The following LAMTOR3 variants were observed in gnomAD, a reference collection of about 807,000 sequenced individuals.
The protein encoded by LAMTOR3 is late endosomal/lysosomal adaptor, MAPK and MTOR activator 3.
A neutral mutation model predicts 20.3 loss-of-function variants in LAMTOR3; 14 were observed. That is an observed-to-expected ratio of 0.69 (90% confidence interval 0.46 to 1.08). The LOEUF is 1.08. Ranked by LOEUF, LAMTOR3 falls within the 50% of genes least tolerant of loss-of-function variation. The pLI, the probability that LAMTOR3 is intolerant of heterozygous loss-of-function variation, is 0.00. For synonymous variants in LAMTOR3, 40 were observed against 49.4 expected (o/e 0.81, Z 0.80); for missense variants, 125 against 143.7 (o/e 0.87, Z 0.67).
intron 4 of LAMTOR3, among the ~76,000 whole-genome samples, chr4:99,886,927 T>C (rs947077862): frequency 1.3e-5 from 2 of 152,126 alleles, no homozygotes; most frequent in Admixed American, 6.5e-5. Flanking sequence ...TATGTATATA[T>C]ATACACACAC....
chr4:99,893,978 T>G lies in LAMTOR3; in HGVS notation c.-15A>C. 1.3e-6 allele frequency: 2 copies of G among 1,549,076 alleles called. No homozygotes were observed. Among genetic ancestry groups the G allele is most frequent in the Non-Finnish European group, 1.7e-6 (2 of 1,143,778 alleles). On this transcript the variant is annotated 5_prime_UTR_variant, in exon 2 of 7. Transcript: ENST00000499666. ...ACATCCGCCATGATGAACCCCCTTC[T>G]CTCGCAGGATCAATCTCCACGCCTG...
chr4:99,879,856 G>T lies in LAMTOR3; in HGVS notation c.*2138C>A, dbSNP rs1724789350. On this transcript the variant is annotated 3_prime_UTR_variant, in exon 7 of 7. Transcript: ENST00000499666. ...TACTACTATACACCTAGGCTATATG[G>T]TATAGCCTACTACTACACACCTAGG... is the stretch of plus-strand genomic sequence containing the variant. 1 of 149,396 alleles carries T rather than the reference G, an allele frequency of 6.7e-6. No homozygotes were observed. Among genetic ancestry groups the T allele is most frequent in the East Asian group, 2.0e-4 (1 of 5,042 alleles). 9.3% of individuals were successfully genotyped at this position (149,396 alleles called of 1,614,324 possible).
intron 4 of LAMTOR3, 83 bp downstream of exon 4, chr4:99,887,213 C>A: frequency 2.5e-6 from 2 of 812,742 alleles, no homozygotes; most frequent in Admixed American, 3.0e-5. Flanking sequence ...TTTATGTTTG[C>A]CTGCTGTACT....
rs1428987231 is a variant in LAMTOR3 at position 99,881,638 on chromosome 4, T to C, written c.*356A>G. 5.3e-6 allele frequency: 1 copy of C among 187,726 alleles called. No homozygotes were observed. Among genetic ancestry groups the C allele is most frequent in the Admixed American group, 5.9e-5 (1 of 17,000 alleles). 11.6% of individuals were successfully genotyped at this position (187,726 alleles called of 1,614,324 possible). On this transcript the variant is annotated 3_prime_UTR_variant, in exon 7 of 7. Transcript: ENST00000499666. ...TTATTCTGCAAGCCTGGGCATATTGTACAATTGGCAGCACTTAACGGCTCA... is the reference window on the plus strand; with the variant it reads ...TTATTCTGCAAGCCTGGGCATATTGCACAATTGGCAGCACTTAACGGCTCA...
chr4:99,891,776 T>C (rs1297011986), intron 3 of LAMTOR3, among the ~76,000 whole-genome samples: 9 of 152,132 alleles, frequency 5.9e-5, no homozygotes, highest in Admixed American at 5.9e-4. Flanking sequence ...GCTGACACTA[T>C]CGCTCTAGAT....
rs1270696897 is a variant in LAMTOR3 at position 99,880,242 on chromosome 4, T to G, written c.*1752A>C. ...GAACTCTAAGTTCTTTAAAGTAAGGTATCACAAATTAATCTCATATTTACA... is the reference window on the plus strand; with the variant it reads ...GAACTCTAAGTTCTTTAAAGTAAGGGATCACAAATTAATCTCATATTTACA... On this transcript the variant is annotated 3_prime_UTR_variant, in exon 7 of 7. Transcript: ENST00000499666. 1 of 152,066 alleles carries G rather than the reference T, an allele frequency of 6.6e-6. No individual in the cohort carries two copies. The highest frequency in any genetic ancestry group is 1.5e-5 in the Non-Finnish European group (1 of 68,014). 9.4% of individuals were successfully genotyped at this position (152,066 alleles called of 1,614,324 possible). A position where few individuals can be genotyped will look rare whatever the true frequency, so the allele number is the denominator to read the frequency against.
chr4:99,882,298 TAACCCAAA>T (rs1228893361), intron 6 of LAMTOR3, among the ~76,000 whole-genome samples: 1 of 152,194 alleles, frequency 6.6e-6, no homozygotes, highest in Non-Finnish European at 1.5e-5. Flanking sequence ...TGAGCATCCC[TAACCCAAA>T]AATCTCAAAT....
chr4:99,894,066 A>G (rs1189716289), intron 1 of LAMTOR3, 66 bp from the exon 2 acceptor site: 2 of 1,036,918 alleles, frequency 1.9e-6, no homozygotes, highest in East Asian at 2.8e-5. Flanking sequence ...CCACAACTTA[A>G]TACGCGAGAT....
chr4:99,885,243 TCA>T (rs1180259165), intron 5 of LAMTOR3, among the ~76,000 whole-genome samples: 2 of 152,236 alleles, frequency 1.3e-5, no homozygotes, highest in Non-Finnish European at 2.9e-5. Flanking sequence ...AGCTGAGAAA[TCA>T]CAGTTGTTTA....
At chr4:99,882,512 A>G (rs1157275207) in intron 6 of LAMTOR3, among the ~76,000 whole-genome samples, 2 of 152,140 alleles carry the variant, frequency 1.3e-5, no homozygotes, top group Non-Finnish European at 2.9e-5. Flanking sequence ...TGAATGAGTG[A>G]AAAATACTTA....
intron 4 of LAMTOR3, among the ~76,000 whole-genome samples, chr4:99,886,146 T>C (rs1444593728): frequency 1.3e-5 from 2 of 152,366 alleles, no homozygotes; most frequent in Non-Finnish European, 2.9e-5. Flanking sequence ...GAGTTTGTTA[T>C]ATTAATGAGT....
chr4:99,882,950 A>C (rs1724855476), intron 6 of LAMTOR3, among the ~76,000 whole-genome samples: 1 of 152,046 alleles, frequency 6.6e-6, no homozygotes, highest in Non-Finnish European at 1.5e-5. Flanking sequence ...ATGTTCAAAC[A>C]AATAAAGATC....
At position 99,885,142 on chromosome 4, in the gene LAMTOR3, C is replaced by T. The variant is rs549406127; in HGVS notation, c.237+400G>A. ...CTCATTTATTACATATATATATTTC[C>T]AAAAAATGAAGGAATTAGCAGCAAG... On this transcript the variant is annotated intron_variant, in intron 5 of 6. Coordinates refer to ENST00000499666, the MANE Select transcript of LAMTOR3 (RefSeq NM_021970.4). 3.7e-4 allele frequency among the ~76,000 whole-genome samples: 57 copies of T among 152,080 alleles called. No homozygotes were observed. In the Middle Eastern group the frequency reaches 0.014, roughly 36 times the overall value.
chr4:99,893,604 C>T (rs565839691), intron 2 of LAMTOR3, among the ~76,000 whole-genome samples: 34 of 152,288 alleles, frequency 2.2e-4, no homozygotes, highest in African/African-American at 7.7e-4. Context: ...ACATGTCCTA[C>T]TGACCAAATT....
At chr4:99,883,920 A>G in intron 6 of LAMTOR3, 142 bp downstream of exon 6, 2 of 604,000 alleles carry the variant, frequency 3.3e-6, no homozygotes, top group Non-Finnish European at 5.9e-6. Flanking sequence ...TTCCCAAGAC[A>G]TGGAAAAAAG....
intron 3 of LAMTOR3, among the ~76,000 whole-genome samples, chr4:99,888,004 A>G (rs990432443): frequency 6.6e-6 from 1 of 152,220 alleles, no homozygotes; most frequent in Non-Finnish European, 1.5e-5. Context: ...AAGTGAAAAG[A>G]CGTGGAAAAA....
chr4:99,885,718 T>C (rs1475625970), intron 4 of LAMTOR3, 43 bp from the exon 5 acceptor site: 7 of 1,553,178 alleles, frequency 4.5e-6, no homozygotes, highest in African/African-American at 4.2e-5. Context: ...GCAGAGGATA[T>C]GGTAGAGAGA....
intron 4 of LAMTOR3, among the ~76,000 whole-genome samples, chr4:99,886,339 T>C (rs899405048): frequency 1.3e-5 from 2 of 152,238 alleles, no homozygotes; most frequent in Admixed American, 6.5e-5. Flanking sequence ...CAGGAGATTA[T>C]GGGTTCTATT....
rs1203466896 is a variant in LAMTOR3 at position 99,879,924 on chromosome 4, A to G, written c.*2070T>C. On this transcript the variant is annotated 3_prime_UTR_variant, in exon 7 of 7. Coordinates refer to ENST00000499666, the MANE Select transcript of LAMTOR3 (RefSeq NM_021970.4). ...CTACTACACACCTAGGCTATATGGT[A>G]TAGCCTACTACTACACACCTAGGCT... 1 of 150,862 alleles carries G rather than the reference A, an allele frequency of 6.6e-6. No homozygotes were observed. Among genetic ancestry groups the G allele is most frequent in the Non-Finnish European group, 1.5e-5 (1 of 67,822 alleles). 9.3% of individuals were successfully genotyped at this position (150,862 alleles called of 1,614,324 possible).
Sources: allele counts gnomAD v4.1 joint callset (sites outside exome capture counted in the v4.1 genomes callset), GRCh38; gene constraint gnomAD v4.1.1; transcripts MANE v1.5; gene names NCBI Gene and HGNC (gene_info 2026-07-23, HGNC 2026-07-21).